The following MAPK6 variants were observed in gnomAD, a reference collection of about 807,000 sequenced individuals.
MAPK6 encodes the protein ERK-3.
A neutral mutation model predicts 59.3 loss-of-function variants in MAPK6; 19 were observed. The ratio of observed to expected loss-of-function variants is 0.32; its 90% CI spans 0.22 to 0.47. MAPK6 has a LOEUF of 0.47. Ranked by LOEUF, MAPK6 falls within the 20% of genes least tolerant of loss-of-function variation. The pLI, the probability that MAPK6 is intolerant of heterozygous loss-of-function variation, is 1.00. For missense variants in MAPK6, 724 were observed against 847.9 expected, an observed-to-expected ratio of 0.85 and a Z score of 1.81; for synonymous variants, 316 against 290.3, an observed-to-expected ratio of 1.09 and a Z score of -0.90.
chr15:51,974,772 C>T (rs1458092886), intron 1 of MAPK6, among the ~76,000 whole-genome samples: 1 of 150,722 alleles, frequency 6.6e-6, no homozygotes, highest in Non-Finnish European at 1.5e-5. Flanking sequence ...GGCTGGAGTG[C>T]CGTGGCATGA....
intron 1 of MAPK6, 127 bp downstream of exon 1, chr15:52,019,503 C>T (rs113048394): frequency 0.71 from 103,957 of 146,626 alleles, 40,578 homozygotes; most frequent in Non-Finnish European, 0.89. Flanking sequence ...TTGTGTGTGA[C>T]CCTCCGGCGG....
intron 2 of MAPK6, among the ~76,000 whole-genome samples, chr15:51,988,326 G>A (rs796636789): frequency 6.6e-6 from 1 of 151,900 alleles, no homozygotes; most frequent in East Asian, 1.9e-4. Flanking sequence ...GGCTAAAAAA[G>A]GAGAGGAGAA....
chr15:52,005,608 C>T (rs1343906776), intron 3 of MAPK6, among the ~76,000 whole-genome samples: 3 of 151,994 alleles, frequency 2.0e-5, no homozygotes, highest in Non-Finnish European at 2.9e-5. Context: ...GCTGAAGATA[C>T]TAACAGCACC....
upstream of MAPK6, among the ~76,000 whole-genome samples, chr15:52,016,735 T>C (rs2030282567): frequency 6.6e-6 from 1 of 152,030 alleles, no homozygotes; most frequent in South Asian, 2.1e-4. Context: ...GACCCCTCAC[T>C]GAAAAACCAG....
chr15:51,987,897 C>G (rs986011037), intron 2 of MAPK6, among the ~76,000 whole-genome samples: 6 of 151,368 alleles, frequency 4.0e-5, no homozygotes, highest in Non-Finnish European at 2.9e-5. Context: ...TCTGGAATAG[C>G]TGGGATTACA....
At chr15:51,982,108 A>C (rs561875691) in intron 1 of MAPK6, among the ~76,000 whole-genome samples, 1 of 152,340 alleles carries the variant, frequency 6.6e-6, no homozygotes, top group African/African-American at 2.4e-5. Flanking sequence ...AAATTTTACA[A>C]ATAGAAAGGA....
intron 1 of MAPK6, among the ~76,000 whole-genome samples, chr15:52,028,995 A>T (rs183392336): frequency 6.6e-6 from 1 of 152,244 alleles, no homozygotes; most frequent in Admixed American, 6.5e-5. Context: ...ATTTTATGAG[A>T]CATATGTTCT....
At chr15:52,009,652 T>A (rs1026111345) in intron 3 of MAPK6, among the ~76,000 whole-genome samples, 2 of 152,232 alleles carry the variant, frequency 1.3e-5, no homozygotes, top group African/African-American at 4.8e-5. Context: ...AATAGATATT[T>A]CCCAGTACTT....
At chr15:52,006,816 G>T (rs2057260361) in intron 3 of MAPK6, among the ~76,000 whole-genome samples, 1 of 151,824 alleles carries the variant, frequency 6.6e-6, no homozygotes, top group South Asian at 2.1e-4. Context: ...TGTTTACCTG[G>T]GTCTAACAAA....
chr15:52,020,255 C>T (rs1321641619), intron 1 of MAPK6, among the ~76,000 whole-genome samples: 2 of 152,130 alleles, frequency 1.3e-5, no homozygotes, highest in Non-Finnish European at 2.9e-5. Context: ...TGTTTCTTGG[C>T]GAGTGTAGGA....
At chr15:51,995,798 C>T (rs970041412) in intron 2 of MAPK6, among the ~76,000 whole-genome samples, 3 of 152,084 alleles carry the variant, frequency 2.0e-5, no homozygotes, top group Non-Finnish European at 4.4e-5. Flanking sequence ...CATGGTGGCG[C>T]ATGCCTATAG....
intron 2 of MAPK6, among the ~76,000 whole-genome samples, chr15:51,985,874 C>T (rs2057189606): frequency 6.6e-6 from 1 of 151,860 alleles, no homozygotes; most frequent in African/African-American, 2.4e-5. Flanking sequence ...AGGCGAATAG[C>T]GTGAACCCAG....
intron 2 of MAPK6, among the ~76,000 whole-genome samples, chr15:51,985,316 C>T (rs1241754734): frequency 6.6e-6 from 1 of 151,844 alleles, no homozygotes; most frequent in Non-Finnish European, 1.5e-5. Flanking sequence ...GCACTCCAGC[C>T]TGGGTGACAG....
intron 4 of MAPK6, among the ~76,000 whole-genome samples, chr15:52,060,775 A>G (rs183780645): frequency 6.6e-6 from 1 of 152,352 alleles, no homozygotes; most frequent in East Asian, 1.9e-4. Flanking sequence ...AGAAATTAGT[A>G]CAACAGAGAT....
intron 2 of MAPK6, among the ~76,000 whole-genome samples, chr15:51,995,958 A>G (rs1195301773): frequency 2.0e-5 from 3 of 147,762 alleles, no homozygotes; most frequent in Non-Finnish European, 2.9e-5. Context: ...AGAAAGAAGG[A>G]AAAAAACAAC....
At chr15:52,051,705 C>G (rs1248290850) in intron 3 of MAPK6, among the ~76,000 whole-genome samples, 2 of 152,016 alleles carry the variant, frequency 1.3e-5, no homozygotes, top group African/African-American at 4.8e-5. Context: ...GAAACCCTGT[C>G]TCTACTAAAA....
chr15:52,065,042 T>C lies in MAPK6; in HGVS notation c.*42T>C, dbSNP rs953532096. ...TTATCTTTGTATTCTTCATGAAATG[T>C]GTTTTGTCTTTTTTTATTACTAGTG... is the stretch of plus-strand genomic sequence containing the variant. On this transcript the variant is annotated 3_prime_UTR_variant, in exon 6 of 6. Coordinates refer to ENST00000261845, the MANE Select transcript of MAPK6 (RefSeq NM_002748.4). The C allele has an allele frequency of 1.3e-6, 2 of 1,511,172 alleles. No homozygotes were observed. The highest frequency in any genetic ancestry group is 4.2e-5 in the Admixed American group (2 of 47,922). 93.6% of individuals were successfully genotyped at this position (1,511,172 alleles called of 1,614,324 possible). A position where few individuals can be genotyped will look rare whatever the true frequency, so the allele number is the denominator to read the frequency against.
At chr15:52,059,026 A>G (rs954112736) in intron 4 of MAPK6, among the ~76,000 whole-genome samples, 104 of 152,338 alleles carry the variant, frequency 6.8e-4, no homozygotes, top group African/African-American at 2.4e-3. Flanking sequence ...AGCAAGTAGC[A>G]AGTATTTTGA....
At chr15:51,992,848 A>G (rs1178352881) in intron 2 of MAPK6, among the ~76,000 whole-genome samples, 2 of 152,174 alleles carry the variant, frequency 1.3e-5, no homozygotes, top group Non-Finnish European at 2.9e-5. Flanking sequence ...AAGGTATGGA[A>G]GAAGGGGTGT....
Sources: allele counts gnomAD v4.1 joint callset (sites outside exome capture counted in the v4.1 genomes callset), GRCh38; gene constraint gnomAD v4.1.1; transcripts MANE v1.5; gene names NCBI Gene and HGNC (gene_info 2026-07-23, HGNC 2026-07-21).